The following ALG6 variants were observed in gnomAD, a reference collection of about 807,000 sequenced individuals.
ALG6 encodes the protein ALG6 alpha-1,3-glucosyltransferase, also known as dolichyl pyrophosphate Man9GlcNAc2 alpha-1,3-glucosyltransferase.
A neutral mutation model predicts 66.6 loss-of-function variants in ALG6; 46 were observed. That is an observed-to-expected ratio of 0.69 (90% confidence interval 0.55 to 0.88). The LOEUF (loss-of-function observed/expected upper bound fraction) is 0.88. Among genes scored for constraint, ALG6 ranks in the 40% least tolerant of loss-of-function variants. ALG6 has a pLI of 0.00. For missense variants in ALG6, 505 were observed against 586.8 expected (o/e 0.86, Z 1.44); for synonymous variants, 185 against 203.7 (o/e 0.91, Z 0.78).
intron 5 of ALG6, among the ~76,000 whole-genome samples, chr1:63,404,815 T>C (rs1376784421): frequency 2.0e-5 from 3 of 152,136 alleles, no homozygotes; most frequent in African/African-American, 4.8e-5. Context: ...ACTATTATTC[T>C]TATTTTAAGC....
At chr1:63,388,505 CT>C (rs1648573958) in intron 2 of ALG6, among the ~76,000 whole-genome samples, 1 of 152,098 alleles carries the variant, frequency 6.6e-6, no homozygotes, top group African/African-American at 2.4e-5. Context: ...TGCTTTTTAA[CT>C]TTTTATTGTT....
intron 2 of ALG6, among the ~76,000 whole-genome samples, chr1:63,390,439 G>T (rs1648635589): frequency 6.6e-6 from 1 of 152,068 alleles, no homozygotes; most frequent in African/African-American, 2.4e-5. Flanking sequence ...TAAGCAGAAG[G>T]CATCCTTAAG....
At chr1:63,368,039 C>T (rs1178556757) in intron 1 of ALG6, among the ~76,000 whole-genome samples, 1 of 152,126 alleles carries the variant, frequency 6.6e-6, no homozygotes, top group East Asian at 1.9e-4. Context: ...GTTGTGTCCA[C>T]TGCGGTGGAA....
At chr1:63,376,033 C>T (rs1180667141) in intron 2 of ALG6, among the ~76,000 whole-genome samples, 1 of 151,192 alleles carries the variant, frequency 6.6e-6, no homozygotes, top group African/African-American at 2.5e-5. Flanking sequence ...TTTATTAGTA[C>T]AGTCATGCAT....
chr1:63,431,313 A>C (rs1644644021), intron 14 of ALG6, among the ~76,000 whole-genome samples: 1 of 152,178 alleles, frequency 6.6e-6, no homozygotes, highest in Non-Finnish European at 1.5e-5. Context: ...TCTATTTTAC[A>C]TCCCTTTATT....
chr1:63,437,845 G>T lies in ALG6; in HGVS notation c.*825G>T, dbSNP rs1316337060. 3 of 151,586 alleles carry T rather than the reference G, an allele frequency of 2.0e-5. No individual in the cohort carries two copies. Among genetic ancestry groups the T allele is most frequent in the African/African-American group, 7.3e-5 (3 of 41,278 alleles). 9.4% of individuals were successfully genotyped at this position (151,586 alleles called of 1,614,324 possible). Reference sequence around the variant, plus strand: ...ATATATTATTATTGACATGGTTCAGGGTTACCACTGCCAGAGCATTGATTC... The same window carrying T: ...ATATATTATTATTGACATGGTTCAGTGTTACCACTGCCAGAGCATTGATTC... On this transcript the variant is annotated 3_prime_UTR_variant, in exon 15 of 15. Coordinates refer to ENST00000263440, the MANE Select transcript of ALG6 (RefSeq NM_013339.4).
chr1:63,426,435 G>A (rs149628460), intron 12 of ALG6, among the ~76,000 whole-genome samples: 160 of 152,332 alleles, frequency 1.1e-3, no homozygotes, highest in African/African-American at 3.4e-3. Context: ...GTTCAGAGAA[G>A]AGGTTGAGGA....
chr1:63,432,881 C>T (rs925544825), intron 14 of ALG6, among the ~76,000 whole-genome samples: 2 of 152,228 alleles, frequency 1.3e-5, no homozygotes, highest in African/African-American at 4.8e-5. Flanking sequence ...ATCCTCCTTC[C>T]TCAGCCTCCT....
intron 12 of ALG6, among the ~76,000 whole-genome samples, chr1:63,422,278 TA>T (rs1644585752): frequency 1.9e-5 from 2 of 106,482 alleles, no homozygotes; most frequent in South Asian, 5.0e-4. Flanking sequence ...AATATATATA[TA>T]AATATATATA....
At chr1:63,388,210 C>T (rs541723228) in intron 2 of ALG6, among the ~76,000 whole-genome samples, 390 of 152,122 alleles carry the variant, frequency 2.6e-3, no homozygotes, top group African/African-American at 9.1e-3. Flanking sequence ...TGAGCCACCG[C>T]GCCTGGCCTA....
rs1303052047 is a variant in ALG6, at chr1:63,428,810, T to A, written c.1127+9T>A. Reference sequence around the variant, plus strand: ...CTTGTGTCAACATTTAGGTAAGTCATATCAATTTCCATATATTTTCAGTAT... The same window carrying A: ...CTTGTGTCAACATTTAGGTAAGTCAAATCAATTTCCATATATTTTCAGTAT... On this transcript the variant is annotated intron_variant, in intron 13 of 14. Coordinates refer to ENST00000263440, the MANE Select transcript of ALG6 (RefSeq NM_013339.4). 6.2e-7 allele frequency: 1 copy of A among 1,600,850 alleles called. No individual in the cohort carries two copies. The highest frequency in any genetic ancestry group is 8.6e-7 in the Non-Finnish European group (1 of 1,169,218).
chr1:63,426,122 A>T (rs989777619), intron 12 of ALG6, among the ~76,000 whole-genome samples: 2 of 152,174 alleles, frequency 1.3e-5, no homozygotes, highest in African/African-American at 4.8e-5. Context: ...GTGAGAAAGG[A>T]GTTGAAATCT....
intron 12 of ALG6, among the ~76,000 whole-genome samples, chr1:63,422,475 A>T (rs1449104686): frequency 1.0e-5 from 1 of 98,862 alleles, no homozygotes; most frequent in Non-Finnish European, 1.9e-5. Context: ...ATATATATAA[A>T]TATATATATA....
intron 2 of ALG6, among the ~76,000 whole-genome samples, chr1:63,382,648 TTTG>T (rs1433831281): frequency 4.0e-4 from 9 of 22,326 alleles, no homozygotes; most frequent in East Asian, 6.8e-3. Context: ...TAAGTTTTTT[TTTG>T]TTTGTTTTTT....
At chr1:63,376,438 T>C (rs368218641) in intron 2 of ALG6, among the ~76,000 whole-genome samples, 10 of 152,182 alleles carry the variant, frequency 6.6e-5, no homozygotes, top group East Asian at 3.8e-4. Flanking sequence ...TTGGGGTTGT[T>C]CTTTTTTAAA....
Position 63,402,349 on chromosome 1 carries a change from T to C in ALG6, c.257+6T>C. ...AGTCTCCTATGTGCATATGTGTAAG[T>C]TTTTCTTTCTTAATGTAACTCTAAA... On this transcript the variant is annotated splice_donor_region_variant and intron_variant, in intron 4 of 14. Coordinates refer to ENST00000263440, the MANE Select transcript of ALG6 (RefSeq NM_013339.4). The C allele has an allele frequency of 2.5e-6, 4 of 1,594,458 alleles. No individual in the cohort carries two copies. Among genetic ancestry groups the C allele is most frequent in the Non-Finnish European group, 3.4e-6 (4 of 1,162,796 alleles).
chr1:63,404,651 C>G, intron 5 of ALG6, 110 bp downstream of exon 5: 3 of 836,946 alleles, frequency 3.6e-6, no homozygotes, highest in Admixed American at 2.0e-5. Flanking sequence ...TGCAATTACA[C>G]AAACACATAT....
chr1:63,389,445 C>T (rs780746237), intron 2 of ALG6, among the ~76,000 whole-genome samples: 8 of 152,070 alleles, frequency 5.3e-5, no homozygotes, highest in Admixed American at 1.3e-4. Context: ...AAATTATTTC[C>T]ATCTCTGTTA....
At chr1:63,427,374 T>C (rs923700746) in intron 12 of ALG6, among the ~76,000 whole-genome samples, 2 of 151,988 alleles carry the variant, frequency 1.3e-5, no homozygotes, top group African/African-American at 4.8e-5. Flanking sequence ...ATATATTAGT[T>C]GACATAGGAA....
Sources: allele counts gnomAD v4.1 joint callset (sites outside exome capture counted in the v4.1 genomes callset), GRCh38; gene constraint gnomAD v4.1.1; transcripts MANE v1.5; gene names NCBI Gene and HGNC (gene_info 2026-07-23, HGNC 2026-07-21).